Variants in FCHSD2 observed in about 807,000 individuals in gnomAD.
FCHSD2 encodes F-BAR and double SH3 domains protein 2.
A neutral mutation model predicts 108.1 loss-of-function variants in FCHSD2; 38 were observed. The ratio of observed to expected loss-of-function variants is 0.35; its 90% CI spans 0.27 to 0.46. The LOEUF (loss-of-function observed/expected upper bound fraction) is 0.46, where lower values mean the gene tolerates loss of function less well. FCHSD2 is among the 20% of genes least tolerant of loss of function. The probability of loss-of-function intolerance (pLI) is 1.00; values close to 1 mark genes in which losing one functional copy is unlikely to be tolerated. For missense variants in FCHSD2, 751 were observed against 897.8 expected (o/e 0.84, Z 2.09); for synonymous variants, 279 against 314.7 (o/e 0.89, Z 1.20).
chr11:72,926,173 A>G (rs1856072021), intron 8 of FCHSD2, among the ~76,000 whole-genome samples: 2 of 152,142 alleles, frequency 1.3e-5, no homozygotes, highest in South Asian at 4.1e-4. Context: ...CCCCACCTTC[A>G]GGCCAGGGAG....
chr11:73,134,471 A>C (rs1459313812), intron 2 of FCHSD2, among the ~76,000 whole-genome samples: 1 of 149,956 alleles, frequency 6.7e-6, no homozygotes, highest in South Asian at 2.1e-4. Context: ...CCCTGTCTCA[A>C]AAAAAAAAAG....
Position 72,841,467 on chromosome 11 carries a change from A to G in FCHSD2, c.2043T>C (p.Ser681=), listed in dbSNP as rs752628239. Residue 681 remains serine (S), a synonymous_variant, in exon 18 of 20, where the codon TCT becomes TCC. Transcript: ENST00000409418. ...DKRSSLYFPR[S]PSANEKSLHA... ...GAGAACCCTTACCGTTTGCTGAAGG[A>G]GACCGGGGAAAGTACAGGGAGCTCC... 1 of 1,607,440 alleles carries G rather than the reference A, an allele frequency of 6.2e-7. No homozygotes were observed. Among genetic ancestry groups the G allele is most frequent in the South Asian group, 1.1e-5 (1 of 90,162 alleles).
intron 8 of FCHSD2, among the ~76,000 whole-genome samples, chr11:72,966,955 T>C (rs542874383): frequency 2.6e-4 from 39 of 152,052 alleles, no homozygotes; most frequent in African/African-American, 9.4e-4. Flanking sequence ...TCCCAGCACT[T>C]TGGGAGGCTG....
chr11:73,032,878 T>C (rs1242043266), intron 3 of FCHSD2, among the ~76,000 whole-genome samples: 1 of 152,172 alleles, frequency 6.6e-6, no homozygotes. Context: ...CAAGGATTTA[T>C]GTTTGGACTA....
At chr11:73,101,458 G>C (rs1387211420) in intron 2 of FCHSD2, among the ~76,000 whole-genome samples, 1 of 152,050 alleles carries the variant, frequency 6.6e-6, no homozygotes, top group Non-Finnish European at 1.5e-5. Flanking sequence ...TGCTGTTTTA[G>C]AGACAGGGTC....
chr11:72,917,079 G>A (rs1189822567), intron 9 of FCHSD2, among the ~76,000 whole-genome samples: 1 of 150,252 alleles, frequency 6.7e-6, no homozygotes, highest in Non-Finnish European at 1.5e-5. Context: ...CCACCTTTCG[G>A]GTTCAAGCGA....
chr11:72,876,497 A>G (rs956390835), intron 12 of FCHSD2, among the ~76,000 whole-genome samples: 2 of 152,216 alleles, frequency 1.3e-5, no homozygotes, highest in African/African-American at 2.4e-5. Context: ...CCATCTTTCT[A>G]TTATGGATTT....
intron 5 of FCHSD2, among the ~76,000 whole-genome samples, chr11:72,992,728 C>T (rs931377198): frequency 6.6e-6 from 1 of 152,112 alleles, no homozygotes; most frequent in African/African-American, 2.4e-5. Flanking sequence ...AAACTGGATC[C>T]CTTCCTTACA....
intron 8 of FCHSD2, among the ~76,000 whole-genome samples, chr11:72,980,515 G>A (rs1184342737): frequency 6.6e-6 from 1 of 151,940 alleles, no homozygotes; most frequent in Non-Finnish European, 1.5e-5. Flanking sequence ...AAGAAAATGA[G>A]AAAGGATAAC....
At chr11:73,035,377 C>T (rs567548673) in intron 3 of FCHSD2, among the ~76,000 whole-genome samples, 6 of 152,086 alleles carry the variant, frequency 3.9e-5, no homozygotes, top group African/African-American at 1.4e-4. Flanking sequence ...TCATGTTGCC[C>T]GGCTGTTCTC....
chr11:73,057,986 C>T (rs964605203), intron 3 of FCHSD2, among the ~76,000 whole-genome samples: 1 of 151,728 alleles, frequency 6.6e-6, no homozygotes, highest in Admixed American at 6.6e-5. Flanking sequence ...TTCACGCCAT[C>T]CTCCTGCCTC....
chr11:72,934,330 C>A (rs77502656), intron 8 of FCHSD2, among the ~76,000 whole-genome samples: 1 of 149,234 alleles, frequency 6.7e-6, no homozygotes, highest in African/African-American at 2.5e-5. Context: ...AAGAGCCATG[C>A]CTTTTTTTTT....
At chr11:73,091,227 G>C (rs1859949398) in intron 2 of FCHSD2, among the ~76,000 whole-genome samples, 1 of 152,100 alleles carries the variant, frequency 6.6e-6, no homozygotes, top group Non-Finnish European at 1.5e-5. Context: ...CCACATTCAT[G>C]TATAAATCTG....
intron 18 of FCHSD2, 49 bp from the exon 19 acceptor site, chr11:72,841,008 T>C (rs778655386): frequency 7.2e-7 from 1 of 1,381,262 alleles, no homozygotes; most frequent in South Asian, 1.2e-5. Context: ...TGTTGAGCAA[T>C]AATGCTGATG....
chr11:73,006,810 T>G (rs932218359), intron 4 of FCHSD2, among the ~76,000 whole-genome samples: 57 of 152,254 alleles, frequency 3.7e-4, no homozygotes, highest in African/African-American at 1.3e-3. Context: ...CATTCACTGT[T>G]GTATGTTCGG....
In FCHSD2 at chr11:73,112,289, T is replaced by C. The variant is rs568760307; in HGVS notation, c.119+27742A>G. Among the ~76,000 whole-genome samples the C allele has an allele frequency of 4.6e-5, 7 of 152,308 alleles. 1 individual carries two copies. In the South Asian group the frequency reaches 6.2e-4, roughly 14 times the overall value. ...CACTCTAGGGTAAAAGATTTCCCCT[T>C]TGGCACTTTAAACATGTCATGTCAC... On this transcript the variant is annotated intron_variant, in intron 2 of 19. Coordinates refer to ENST00000409418, the MANE Select transcript of FCHSD2 (RefSeq NM_014824.3).
At chr11:72,898,207 A>T (rs1855459685) in intron 10 of FCHSD2, among the ~76,000 whole-genome samples, 1 of 152,222 alleles carries the variant, frequency 6.6e-6, no homozygotes, top group Non-Finnish European at 1.5e-5. Flanking sequence ...TAGGGAAAAC[A>T]GTGTAGTTTG....
intron 3 of FCHSD2, among the ~76,000 whole-genome samples, chr11:73,039,976 T>C (rs972090077): frequency 2.6e-5 from 4 of 152,172 alleles, no homozygotes; most frequent in Non-Finnish European, 4.4e-5. Context: ...TGGAAATACA[T>C]AGTTGTGCCA....
At chr11:72,915,972 A>G (rs1227092176) in intron 9 of FCHSD2, among the ~76,000 whole-genome samples, 1 of 152,234 alleles carries the variant, frequency 6.6e-6, no homozygotes, top group Non-Finnish European at 1.5e-5. Context: ...AGGAACAGAA[A>G]AGCAAATACC....
Sources: gnomAD v4.1 joint callset for allele counts (sites outside exome capture counted in the v4.1 genomes callset) on GRCh38, gnomAD v4.1.1 for gene constraint, MANE v1.5 for transcripts, NCBI Gene and HGNC (gene_info 2026-07-23, HGNC 2026-07-21) for gene names.